Variants in GRID2 observed in about 807,000 individuals in gnomAD.
The protein encoded by GRID2 is glutamate receptor ionotropic, delta-2.
Under a neutral mutation model 114.8 loss-of-function variants are expected in GRID2, and 33 were observed. The observed-to-expected ratio is 0.29, with a 90% CI of 0.22 to 0.38. The LOEUF is 0.38. Ranked by LOEUF, GRID2 falls within the 10% of genes least tolerant of loss-of-function variation. The pLI is 1.00. For synonymous variants in GRID2, 505 were observed against 449.9 expected (o/e 1.12, Z -1.55); for missense variants, 1,184 against 1,257.7 (o/e 0.94, Z 0.89).
intron 8 of GRID2, among the ~76,000 whole-genome samples, chr4:93,298,297 C>T (rs540966300): frequency 6.6e-6 from 1 of 152,164 alleles, no homozygotes; most frequent in Non-Finnish European, 1.5e-5. Context: ...ATTTATTTCT[C>T]ACAGTTCTGA....
At chr4:92,895,988 A>C (rs979911996) in intron 2 of GRID2, among the ~76,000 whole-genome samples, 1 of 152,208 alleles carries the variant, frequency 6.6e-6, no homozygotes, top group African/African-American at 2.4e-5. Flanking sequence ...AAAATGAAAC[A>C]GTTTAGTTCA....
intron 9 of GRID2, among the ~76,000 whole-genome samples, chr4:93,412,237 C>CA (rs1261392033): frequency 6.6e-6 from 1 of 150,842 alleles, no homozygotes. Context: ...CATCCCCCCC[C>CA]CCCAAAAAAA....
chr4:93,699,910 A>G (rs1466378899), intron 14 of GRID2, among the ~76,000 whole-genome samples: 1 of 152,146 alleles, frequency 6.6e-6, no homozygotes, highest in African/African-American at 2.4e-5. Flanking sequence ...AAACTGTGAC[A>G]TATTTGCTCT....
intron 1 of GRID2, among the ~76,000 whole-genome samples, chr4:92,450,548 TTC>T (rs1720851332): frequency 6.6e-6 from 1 of 152,114 alleles, no homozygotes; most frequent in Non-Finnish European, 1.5e-5. Flanking sequence ...TTGTGCTCCA[TTC>T]TCTGTTTTTT....
At chr4:93,228,671 A>G (rs1561013809) in intron 7 of GRID2, among the ~76,000 whole-genome samples, 1 of 152,310 alleles carries the variant, frequency 6.6e-6, no homozygotes, top group East Asian at 1.9e-4. Flanking sequence ...AGCCTTATCT[A>G]TGTAGAGAGC....
At chr4:92,625,694 A>G (rs1267010441) in intron 2 of GRID2, among the ~76,000 whole-genome samples, 1 of 151,886 alleles carries the variant, frequency 6.6e-6, no homozygotes, top group Non-Finnish European at 1.5e-5. Context: ...TATTGTGACA[A>G]TCAAGTGGGC....
intron 1 of GRID2, among the ~76,000 whole-genome samples, chr4:92,344,165 T>C (rs1052778323): frequency 2.0e-5 from 3 of 152,210 alleles, no homozygotes; most frequent in Non-Finnish European, 4.4e-5. Flanking sequence ...ATTTTTTTAA[T>C]GCTAAGATGA....
At chr4:93,300,650 GGCCCATAATACTGTA>G (rs1754767442) in intron 8 of GRID2, among the ~76,000 whole-genome samples, 1 of 152,118 alleles carries the variant, frequency 6.6e-6, no homozygotes, top group South Asian at 2.1e-4. Flanking sequence ...GTGGACTATT[GGCCCATAATACTGTA>G]GCAGGACGAG....
At chr4:92,582,260 GCAA>G (rs903154756) in intron 1 of GRID2, among the ~76,000 whole-genome samples, 9 of 151,254 alleles carry the variant, frequency 6.0e-5, no homozygotes, top group African/African-American at 1.5e-4. Flanking sequence ...ACTAAAGTAA[GCAA>G]CAACAACAAC....
intron 13 of GRID2, among the ~76,000 whole-genome samples, 191 bp from the exon 14 acceptor site, chr4:93,626,078 A>G (rs1742702970): frequency 6.6e-6 from 1 of 152,196 alleles, no homozygotes; most frequent in Non-Finnish European, 1.5e-5. Flanking sequence ...TAAGGACTTG[A>G]GCATCCCTGG....
chr4:92,584,656 TA>T (rs1728339257), intron 1 of GRID2, among the ~76,000 whole-genome samples: 1 of 152,020 alleles, frequency 6.6e-6, no homozygotes, highest in African/African-American at 2.4e-5. Flanking sequence ...TAAATGGATT[TA>T]ATATGCTAAT....
At chr4:92,700,687 TA>T (rs1734630989) in intron 2 of GRID2, among the ~76,000 whole-genome samples, 1 of 152,078 alleles carries the variant, frequency 6.6e-6, no homozygotes, top group Non-Finnish European at 1.5e-5. Context: ...TTTCATAGTA[TA>T]GTTAACAAAA....
intron 10 of GRID2, among the ~76,000 whole-genome samples, chr4:93,446,782 G>A (rs1441557417): frequency 6.6e-6 from 1 of 151,912 alleles, no homozygotes; most frequent in East Asian, 1.9e-4. Context: ...ACATCTGTAA[G>A]TTACTTATGA....
chr4:92,340,308 A>T (rs948291513), intron 1 of GRID2, among the ~76,000 whole-genome samples: 1 of 152,200 alleles, frequency 6.6e-6, no homozygotes, highest in East Asian at 1.9e-4. Flanking sequence ...ATTCCTGCTC[A>T]GTCCAATCTA....
At chr4:93,518,026 CATGTATGTATATATACGCATATACTATAT>C (rs1729964518) in intron 13 of GRID2, among the ~76,000 whole-genome samples, 1 of 40,674 alleles carries the variant, frequency 2.5e-5, no homozygotes, top group African/African-American at 7.7e-5. Flanking sequence ...CATACATGTA[CATGTATGTATATATACGCATATACTATAT>C]ATGTATATAG....
chr4:93,498,690 T>A (rs1727802634), intron 12 of GRID2, among the ~76,000 whole-genome samples: 2 of 151,824 alleles, frequency 1.3e-5, no homozygotes, highest in Non-Finnish European at 2.9e-5. Flanking sequence ...TTCTTTGGAT[T>A]TTTCTAGGTA....
intron 1 of GRID2, among the ~76,000 whole-genome samples, chr4:92,320,401 G>A (rs1281851335): frequency 6.6e-6 from 1 of 152,044 alleles, no homozygotes; most frequent in African/African-American, 2.4e-5. Flanking sequence ...TCTACACCAG[G>A]AGGCTTATGA....
chr4:93,667,364 A>G (rs996174273), intron 14 of GRID2, among the ~76,000 whole-genome samples: 2 of 151,806 alleles, frequency 1.3e-5, no homozygotes, highest in South Asian at 4.2e-4. Flanking sequence ...GGTATCCAAT[A>G]TATCTGTTAG....
intron 1 of GRID2, among the ~76,000 whole-genome samples, chr4:92,322,354 C>T (rs750894851): frequency 6.6e-6 from 1 of 151,912 alleles, no homozygotes; most frequent in African/African-American, 2.4e-5. Context: ...ATAGGATGAT[C>T]TCCTAAATGT....
Sources: allele counts gnomAD v4.1 joint callset (sites outside exome capture counted in the v4.1 genomes callset), GRCh38; gene constraint gnomAD v4.1.1; transcripts MANE v1.5; gene names NCBI Gene and HGNC (gene_info 2026-07-23, HGNC 2026-07-21).